Variants in SASH1 observed in about 807,000 individuals in gnomAD.
The protein encoded by SASH1 is SAM and SH3 domain containing 1, also known as SAM and SH3 domain-containing protein 1.
Under a neutral mutation model 125.2 loss-of-function variants are expected in SASH1, and 44 were observed. That is an observed-to-expected ratio of 0.35 (90% CI 0.28 to 0.45). The LOEUF (loss-of-function observed/expected upper bound fraction) is 0.45, where lower values mean the gene tolerates loss of function less well. Ranked by LOEUF, SASH1 falls within the 20% of genes least tolerant of loss-of-function variation. The pLI is 1.00. For synonymous variants in SASH1, 639 were observed against 649.1 expected (o/e 0.98, Z 0.24); for missense variants, 1,426 against 1,614.5 (o/e 0.88, Z 2.00).
chr6:148,343,442 C>T (rs532724466), intron 1 of SASH1, among the ~76,000 whole-genome samples: 92 of 152,138 alleles, frequency 6.0e-4, no homozygotes, highest in Non-Finnish European at 9.7e-4. Context: ...GTTTTTTAAA[C>T]AATCGGGTAT....
At chr6:148,254,880 T>C in the SASH1 span, among the ~76,000 whole-genome samples, 2 of 152,164 alleles carry the variant, frequency 1.3e-5, no homozygotes, top group Non-Finnish European at 2.9e-5. Context: ...AATGAAAACA[T>C]ATGTCCGTAC....
intron 1 of SASH1, among the ~76,000 whole-genome samples, chr6:148,379,251 T>G (rs767607373): frequency 1.3e-5 from 2 of 152,206 alleles, no homozygotes; most frequent in Non-Finnish European, 2.9e-5. Flanking sequence ...GCCACACCTC[T>G]GCATTCTGAC....
intron 12 of SASH1, among the ~76,000 whole-genome samples, chr6:148,530,929 A>T (rs1204036413): frequency 2.6e-5 from 4 of 152,228 alleles, no homozygotes; most frequent in Non-Finnish European, 5.9e-5. Context: ...GAAAGAAGCT[A>T]AAACTTTAGA....
intron 2 of SASH1, among the ~76,000 whole-genome samples, chr6:148,419,742 A>G (rs1399738838): frequency 6.6e-6 from 1 of 152,140 alleles, no homozygotes; most frequent in Non-Finnish European, 1.5e-5. Flanking sequence ...CCTGAGAAAA[A>G]GACATGCTAT....
Position 148,519,565 on chromosome 6 carries a change from T to G in SASH1, c.881T>G (p.Phe294Cys). The change falls in exon 10 of 20, where the codon TTT (phenylalanine) becomes TGT (cysteine). Residue 294 changes from phenylalanine (F) to cysteine (C), a missense_variant. Around this residue, in one of 3 missense-constraint regions of SASH1, gnomAD observed 567 missense variants for 575.6 expected, o/e 0.99. Coordinates refer to ENST00000367467, the MANE Select transcript of SASH1 (RefSeq NM_015278.5). This position sits in a 1 kb window ranked among gnomAD's most constrained non-coding sequence, Gnocchi z 4.8. ...PSTEGGEEHV[F>C]ENSPVLDERS... ...CCTCCAGGTGGGGAGGAGCACGTGT[T>G]TGAGAATTCGCCGGTCCTGGATGAA... 6.2e-7 allele frequency: 1 copy of G among 1,613,734 alleles called. No individual in the cohort carries two copies. The highest frequency in any genetic ancestry group is 8.5e-7 in the Non-Finnish European group (1 of 1,179,726).
At chr6:148,467,056 G>C (rs9498044) in intron 4 of SASH1, among the ~76,000 whole-genome samples, 52,852 of 141,284 alleles carry the variant, frequency 0.37, 9,967 homozygotes, top group East Asian at 0.75. Context: ...CCTAATGAAA[G>C]ATTTTGCTCC....
intron 2 of SASH1, among the ~76,000 whole-genome samples, chr6:148,436,913 G>C (rs1562408430): frequency 6.6e-6 from 1 of 152,192 alleles, no homozygotes; most frequent in East Asian, 1.9e-4. Flanking sequence ...GAGGAGAGAA[G>C]GTTCTTATTT....
At position 148,343,239 on chromosome 6, in the gene SASH1, A is replaced by AG; in HGVS notation, c.156+21dup. On this transcript the variant is annotated intron_variant, in intron 1 of 19. Coordinates refer to ENST00000367467, the MANE Select transcript of SASH1 (RefSeq NM_015278.5). The stretch of plus-strand genomic sequence containing the variant: ...GGGTATCCTGGTAAGTTACCTGGGG[A>AG]GGGGGCGGCGCAGGAAGTACAGTTC... The AG allele has an allele frequency of 6.3e-7, 1 of 1,580,254 alleles. No homozygotes were observed. Among genetic ancestry groups the AG allele is most frequent in the Non-Finnish European group, 8.6e-7 (1 of 1,167,510 alleles).
chr6:148,514,490 A>T, intron 9 of SASH1, 34 bp downstream of exon 9: 3 of 1,349,648 alleles, frequency 2.2e-6, no homozygotes, highest in Non-Finnish European at 2.9e-6. Context: ...AAAAAAAGGC[A>T]GACTCCACCC....
At chr6:148,219,172 C>T in the SASH1 span, among the ~76,000 whole-genome samples, 4 of 152,284 alleles carry the variant, frequency 2.6e-5, no homozygotes, top group African/African-American at 9.6e-5. Flanking sequence ...TTTTATCTTG[C>T]GAAACTATTT....
At chr6:148,442,554 C>G (rs1231813673) in intron 4 of SASH1, among the ~76,000 whole-genome samples, 4 of 152,010 alleles carry the variant, frequency 2.6e-5, no homozygotes, top group African/African-American at 9.7e-5. Flanking sequence ...CCCTGCCCCC[C>G]ACATACACCA....
the SASH1 span, among the ~76,000 whole-genome samples, chr6:148,242,353 T>C: frequency 5.3e-5 from 8 of 152,336 alleles, no homozygotes; most frequent in African/African-American, 1.9e-4. Context: ...CAAAGTTCCA[T>C]TTTTTCTTGG....
chr6:148,391,236 A>C (rs1263366787), intron 2 of SASH1, among the ~76,000 whole-genome samples: 1 of 151,496 alleles, frequency 6.6e-6, no homozygotes, highest in Non-Finnish European at 1.5e-5. Context: ...CAGCCTCCCG[A>C]GTGGCTGGGA....
chr6:148,262,210 A>G, the SASH1 span, among the ~76,000 whole-genome samples: 1 of 152,160 alleles, frequency 6.6e-6, no homozygotes, highest in South Asian at 2.1e-4. Flanking sequence ...GCTGTGCTGT[A>G]GAGTGCGGTG....
intron 2 of SASH1, among the ~76,000 whole-genome samples, chr6:148,393,067 A>C (rs1180524358): frequency 6.6e-5 from 7 of 106,190 alleles, no homozygotes; most frequent in African/African-American, 2.2e-4. Flanking sequence ...TTTTTTTGAG[A>C]TGGAGTTTCC....
the SASH1 span, among the ~76,000 whole-genome samples, chr6:148,242,758 C>T: frequency 6.6e-6 from 1 of 152,110 alleles, no homozygotes; most frequent in Non-Finnish European, 1.5e-5. Flanking sequence ...CTCAGGGTCC[C>T]TTATGCCGTT....
chr6:148,262,701 T>C, the SASH1 span, among the ~76,000 whole-genome samples: 1 of 152,048 alleles, frequency 6.6e-6, no homozygotes, highest in African/African-American at 2.4e-5. Context: ...CTGGCCAACA[T>C]GGGAAACCCC....
intron 1 of SASH1, among the ~76,000 whole-genome samples, chr6:148,273,481 A>T (rs968988078): frequency 1.3e-5 from 2 of 151,334 alleles, no homozygotes; most frequent in Non-Finnish European, 2.9e-5. Context: ...TTTCATGGAG[A>T]CAGGGTTTCA....
the SASH1 span, among the ~76,000 whole-genome samples, chr6:148,262,421 T>C: frequency 6.6e-6 from 1 of 152,054 alleles, no homozygotes; most frequent in African/African-American, 2.4e-5. Flanking sequence ...TGGTGTTGCA[T>C]CCAATGTGGC....
Sources: allele counts gnomAD v4.1 joint callset (sites outside exome capture counted in the v4.1 genomes callset), GRCh38; gene constraint gnomAD v4.1.1; regional missense constraint gnomAD v4.1.1; non-coding constraint Gnocchi (gnomAD v3.1); transcripts MANE v1.5; gene names NCBI Gene and HGNC (gene_info 2026-07-23, HGNC 2026-07-21).